The following DLGAP1 variants were observed in gnomAD, a reference collection of about 807,000 sequenced individuals.
DLGAP1 encodes DLG associated protein 1.
In DLGAP1, 11 loss-of-function variants were observed where a neutral mutation model predicts 90.8. The observed-to-expected ratio is 0.12, with a 90% CI of 0.08 to 0.20. The LOEUF is 0.20. Ranked by LOEUF, DLGAP1 falls within the 10% of genes least tolerant of loss-of-function variation. DLGAP1 has a pLI of 1.00. For synonymous variants in DLGAP1, 558 were observed against 540.7 expected (o/e 1.03, Z -0.44); for missense variants, 1,050 against 1,333.8 (o/e 0.79, Z 3.31).
At chr18:3,676,106 T>C (rs948034993) in intron 7 of DLGAP1, among the ~76,000 whole-genome samples, 3 of 152,216 alleles carry the variant, frequency 2.0e-5, no homozygotes, top group Admixed American at 6.5e-5. Flanking sequence ...GCTGCAGACA[T>C]AGATGCCGGC....
intron 3 of DLGAP1, among the ~76,000 whole-genome samples, chr18:3,943,495 G>A (rs1009136885): frequency 1.5e-5 from 2 of 135,954 alleles, no homozygotes; most frequent in African/African-American, 5.5e-5. Context: ...GAACATCACT[G>A]CTAGGAAATG....
At chr18:3,682,937 A>G (rs2060572741) in intron 7 of DLGAP1, among the ~76,000 whole-genome samples, 1 of 150,856 alleles carries the variant, frequency 6.6e-6, no homozygotes, top group Admixed American at 6.6e-5. Context: ...AGCTCACGGC[A>G]ACCTCTGCCT....
intron 5 of DLGAP1, among the ~76,000 whole-genome samples, chr18:3,761,363 T>C (rs2063954129): frequency 6.6e-6 from 1 of 152,214 alleles, no homozygotes. Flanking sequence ...GTGACTGTCT[T>C]ATATTTCTCC....
chr18:3,988,916 T>A (rs1159199154), intron 3 of DLGAP1, among the ~76,000 whole-genome samples: 1 of 152,240 alleles, frequency 6.6e-6, no homozygotes, highest in Admixed American at 6.5e-5. Flanking sequence ...AGCTCCTGAC[T>A]GCCGTGGCTT....
chr18:4,385,183 G>A (rs2082205144), intron 1 of DLGAP1, among the ~76,000 whole-genome samples: 1 of 152,158 alleles, frequency 6.6e-6, no homozygotes. Context: ...GTAGTCCTTA[G>A]ATCACTAAAT....
At chr18:3,703,073 G>A (rs2061331528) in intron 7 of DLGAP1, among the ~76,000 whole-genome samples, 1 of 152,216 alleles carries the variant, frequency 6.6e-6, no homozygotes, top group African/African-American at 2.4e-5. Flanking sequence ...GGTGCCAACA[G>A]GTCATGAGGC....
rs115692943 is a variant in DLGAP1, at chr18:4,254,204, T to C, written c.-266-102917A>G. Among the ~76,000 whole-genome samples, 626 of 152,272 alleles carry C rather than the reference T, an allele frequency of 4.1e-3. 6 individuals are homozygous for C. The highest frequency in any genetic ancestry group is 0.014 in the African/African-American group (601 of 41,542). On this transcript the variant is annotated intron_variant, in intron 1 of 12. Transcript: ENST00000315677. ...GAATCCTGATTTCTCGAAGTGATTG[T>C]CCCCTCCAAGTGCCATGATATACAG...
chr18:3,669,600 G>A (rs775438073), intron 7 of DLGAP1, among the ~76,000 whole-genome samples: 2 of 152,232 alleles, frequency 1.3e-5, no homozygotes, highest in Admixed American at 1.3e-4. Context: ...ATCGACCCGC[G>A]ACCTGCGGAA....
At chr18:3,898,021 C>T (rs943969596) in intron 3 of DLGAP1, among the ~76,000 whole-genome samples, 12 of 151,936 alleles carry the variant, frequency 7.9e-5, no homozygotes, top group African/African-American at 2.9e-4. Flanking sequence ...GTCTCGATCT[C>T]CTGACCTCGT....
chr18:4,408,915 C>A (rs911008964), intron 1 of DLGAP1, among the ~76,000 whole-genome samples: 2 of 151,712 alleles, frequency 1.3e-5, no homozygotes, highest in African/African-American at 2.4e-5. Context: ...CCTAGACTAG[C>A]AATTCCTTCT....
At chr18:4,053,769 C>T (rs1230060658) in intron 2 of DLGAP1, among the ~76,000 whole-genome samples, 1 of 152,144 alleles carries the variant, frequency 6.6e-6, no homozygotes, top group Non-Finnish European at 1.5e-5. Context: ...ATAAACTACT[C>T]AGGTAGTTCT....
intron 4 of DLGAP1, among the ~76,000 whole-genome samples, chr18:3,835,647 CAA>C (rs573083559): frequency 1.4e-4 from 11 of 79,626 alleles, no homozygotes; most frequent in Admixed American, 1.4e-4. Flanking sequence ...GGCTCCGTCT[CAA>C]AAAAAAAAAA....
intron 5 of DLGAP1, among the ~76,000 whole-genome samples, chr18:3,765,612 T>A (rs1384283870): frequency 6.6e-6 from 1 of 151,940 alleles, no homozygotes; most frequent in Non-Finnish European, 1.5e-5. Context: ...GGCAGGTGGA[T>A]CACCTGAGGT....
chr18:3,661,792 G>A, intron 7 of DLGAP1, among the ~76,000 whole-genome samples: 1 of 151,816 alleles, frequency 6.6e-6, no homozygotes, highest in Non-Finnish European at 1.5e-5. Flanking sequence ...ATGTTGCTCA[G>A]GCTGGTCTCG....
chr18:4,399,706 C>T (rs1409894853), intron 1 of DLGAP1, among the ~76,000 whole-genome samples: 1 of 152,156 alleles, frequency 6.6e-6, no homozygotes, highest in African/African-American at 2.4e-5. Context: ...GGTGCAGAGG[C>T]TGGCTTTCTC....
intron 1 of DLGAP1, among the ~76,000 whole-genome samples, chr18:4,325,058 G>C (rs533943926): frequency 2.6e-5 from 4 of 152,260 alleles, no homozygotes; most frequent in Admixed American, 2.6e-4. Context: ...AATAGGAAGA[G>C]AGAAAGTCAA....
intron 2 of DLGAP1, among the ~76,000 whole-genome samples, chr18:4,061,343 G>A (rs2075295330): frequency 6.6e-6 from 1 of 151,058 alleles, no homozygotes; most frequent in Admixed American, 6.6e-5. Flanking sequence ...TAAAGCTGAA[G>A]GTTTGAGGAA....
intron 5 of DLGAP1, among the ~76,000 whole-genome samples, chr18:3,761,284 T>A (rs1463342948): frequency 2.0e-5 from 3 of 152,106 alleles, no homozygotes; most frequent in Non-Finnish European, 4.4e-5. Context: ...ACATTCTACT[T>A]TCTGTATCTA....
intron 3 of DLGAP1, among the ~76,000 whole-genome samples, chr18:3,987,239 G>C (rs2073861979): frequency 6.6e-6 from 1 of 152,110 alleles, no homozygotes; most frequent in Non-Finnish European, 1.5e-5. Flanking sequence ...ATTGCTAATA[G>C]ATAGAAATCT....
Sources: gnomAD v4.1 joint callset for allele counts (sites outside exome capture counted in the v4.1 genomes callset) on GRCh38, gnomAD v4.1.1 for gene constraint, MANE v1.5 for transcripts, NCBI Gene and HGNC (gene_info 2026-07-23, HGNC 2026-07-21) for gene names.